The following ELK3 variants were observed in gnomAD, a reference collection of about 807,000 sequenced individuals.
The protein encoded by ELK3 is ETS transcription factor ELK3, also known as ETS domain-containing protein Elk-3.
A neutral mutation model predicts 28.9 loss-of-function variants in ELK3; 10 were observed. The observed-to-expected ratio is 0.35, with a 90% CI of 0.21 to 0.59. The LOEUF (loss-of-function observed/expected upper bound fraction) is 0.59, where lower values mean the gene tolerates loss of function less well. ELK3 is among the 20% of genes least tolerant of loss of function. The pLI is 0.82. For missense variants in ELK3, 463 were observed against 517.3 expected (o/e 0.90, Z 1.02); for synonymous variants, 272 against 243.5 (o/e 1.12, Z -1.09).
At chr12:96,251,499 C>T (rs1057309831) in intron 3 of ELK3, among the ~76,000 whole-genome samples, 3 of 152,046 alleles carry the variant, frequency 2.0e-5, no homozygotes, top group Non-Finnish European at 4.4e-5. Flanking sequence ...AGAATGATGA[C>T]GGTGAAGGCA....
intron 1 of ELK3, among the ~76,000 whole-genome samples, chr12:96,199,129 A>G (rs1447203844): frequency 6.6e-6 from 1 of 152,206 alleles, no homozygotes; most frequent in Non-Finnish European, 1.5e-5. Context: ...TTGCAGTAGA[A>G]TATCAAGATG....
At chr12:96,219,571 C>T (rs1423653845) in intron 1 of ELK3, among the ~76,000 whole-genome samples, 2 of 152,140 alleles carry the variant, frequency 1.3e-5, no homozygotes, top group Admixed American at 6.5e-5. Context: ...ATATGGAGAG[C>T]GCTGTGGCAG....
At chr12:96,214,776 C>G (rs1951599205) in intron 1 of ELK3, among the ~76,000 whole-genome samples, 1 of 152,018 alleles carries the variant, frequency 6.6e-6, no homozygotes, top group Admixed American at 6.5e-5. Context: ...ATACCTTACA[C>G]TTACTCTGTG....
intron 1 of ELK3, among the ~76,000 whole-genome samples, chr12:96,208,689 G>T (rs571732157): frequency 6.6e-6 from 1 of 152,344 alleles, no homozygotes; most frequent in East Asian, 1.9e-4. Flanking sequence ...CCTATGAGAT[G>T]CACTGTGGCC....
At chr12:96,244,846 A>C (rs1951845508) in intron 2 of ELK3, among the ~76,000 whole-genome samples, 1 of 152,188 alleles carries the variant, frequency 6.6e-6, no homozygotes, top group African/African-American at 2.4e-5. Flanking sequence ...GTTCTGACCC[A>C]GGGCACTCGG....
intron 3 of ELK3, among the ~76,000 whole-genome samples, chr12:96,258,117 G>C (rs1951965508): frequency 6.6e-6 from 1 of 152,306 alleles, no homozygotes; most frequent in African/African-American, 2.4e-5. Context: ...GAGAGGTTAG[G>C]TGGCTTGCCT....
chr12:96,261,619 T>C (rs982440067), intron 4 of ELK3, among the ~76,000 whole-genome samples: 2 of 152,182 alleles, frequency 1.3e-5, no homozygotes, highest in Admixed American at 1.3e-4. Context: ...TAGAGTTCAG[T>C]AGGTATTTGT....
At position 96,223,561 on chromosome 12, in the gene ELK3, G is replaced by C; in HGVS notation, c.-2-4G>C. On this transcript the variant is annotated splice_region_variant and splice_polypyrimidine_tract_variant and intron_variant, in intron 1 of 4. Coordinates refer to ENST00000228741, the MANE Select transcript of ELK3 (RefSeq NM_005230.4). ...AGCTCTGACCTGGCCTCCTCTCCCT[G>C]CAGGTATGGAGAGTGCAATCACGCT... is the stretch of plus-strand genomic sequence containing the variant. 1 of 1,613,598 alleles carries C rather than the reference G, an allele frequency of 6.2e-7. No individual in the cohort carries two copies. Among genetic ancestry groups the C allele is most frequent in the Non-Finnish European group, 8.5e-7 (1 of 1,179,604 alleles).
chr12:96,260,550 C>T (rs756104974), intron 4 of ELK3, among the ~76,000 whole-genome samples: 1,524 of 152,260 alleles, frequency 0.01, 41 homozygotes, highest in Admixed American at 0.061. Flanking sequence ...TAGAACTCTC[C>T]ATACTAGGCG....
chr12:96,235,421 C>A (rs960905423), intron 2 of ELK3, among the ~76,000 whole-genome samples: 2 of 152,054 alleles, frequency 1.3e-5, no homozygotes. Flanking sequence ...GGTTTTCTTA[C>A]CATTTCCTGC....
In ELK3 at chr12:96,210,561, G is replaced by GCACACACACACA. The variant is rs368183390; in HGVS notation, c.-2-13001_-2-13000insACACACACACAC. ...CTGTTCCACCGCCCTGCGCGCGGGC[G>GCACACACACACA]CACGCACACACACACACACACACAC... On this transcript the variant is annotated intron_variant, in intron 1 of 4. Coordinates refer to ENST00000228741, the MANE Select transcript of ELK3 (RefSeq NM_005230.4). Among the ~76,000 whole-genome samples, 1,189 of 144,764 alleles carry GCACACACACACA rather than the reference G, an allele frequency of 8.2e-3. 5 individuals are homozygous for GCACACACACACA. Among genetic ancestry groups the GCACACACACACA allele is most frequent in the East Asian group, 0.033 (160 of 4,828 alleles). The allele number at this position is 144,764 out of a possible 152,430, so 95.0% of individuals were successfully genotyped here. A position where few individuals can be genotyped will look rare whatever the true frequency, so the allele number is the denominator to read the frequency against.
At chr12:96,259,350 G>A (rs1049209966) in intron 3 of ELK3, among the ~76,000 whole-genome samples, 1 of 152,088 alleles carries the variant, frequency 6.6e-6, no homozygotes, top group Non-Finnish European at 1.5e-5. Flanking sequence ...TCAGGAGTTC[G>A]AGACCAGCCT....
At chr12:96,217,937 CAAAAA>C (rs34565681) in intron 1 of ELK3, among the ~76,000 whole-genome samples, 2 of 85,752 alleles carry the variant, frequency 2.3e-5, no homozygotes, top group Admixed American at 2.6e-4. Flanking sequence ...GACGCCGTCT[CAAAAA>C]AAAAAAAAAA....
intron 1 of ELK3, among the ~76,000 whole-genome samples, chr12:96,202,971 C>T (rs1021542627): frequency 2.0e-5 from 3 of 152,140 alleles, no homozygotes; most frequent in Non-Finnish European, 4.4e-5. Context: ...CAACCTCTGC[C>T]TCCTGGGTTC....
At position 96,267,685 on chromosome 12, in the gene ELK3, G is replaced by A. The variant is rs1262108174; in HGVS notation, c.*505G>A. The A allele has an allele frequency of 8.5e-5, 13 of 152,666 alleles. No homozygotes were observed. The highest frequency in any genetic ancestry group is 2.7e-4 in the African/African-American group (11 of 41,434). 9.5% of individuals were successfully genotyped at this position (152,666 alleles called of 1,614,324 possible). ...AGTAGAATTTCATTATTTTTCACCA[G>A]TGGGCAATATGAAAGCATATATCAC... On this transcript the variant is annotated 3_prime_UTR_variant, in exon 5 of 5. Transcript: ENST00000228741.
At chr12:96,231,556 G>A (rs749003432) in intron 2 of ELK3, among the ~76,000 whole-genome samples, 4 of 152,164 alleles carry the variant, frequency 2.6e-5, no homozygotes, top group Non-Finnish European at 5.9e-5. Context: ...GCAGTGGCGC[G>A]ATCTCAGCTC....
At chr12:96,211,240 CT>C (rs1344475830) in intron 1 of ELK3, among the ~76,000 whole-genome samples, 1 of 152,190 alleles carries the variant, frequency 6.6e-6, no homozygotes, top group Admixed American at 6.5e-5. Context: ...GGTATGGGCG[CT>C]GTTCTTCAGA....
At chr12:96,266,750 A>C (rs1337896124) in intron 4 of ELK3, among the ~76,000 whole-genome samples, 4 of 152,204 alleles carry the variant, frequency 2.6e-5, no homozygotes, top group African/African-American at 9.6e-5. Flanking sequence ...TTTAATATTT[A>C]TAGCATTATC....
intron 1 of ELK3, among the ~76,000 whole-genome samples, chr12:96,210,597 A>ACCCCCC (rs1555193042): frequency 1.7e-4 from 26 of 149,056 alleles, no homozygotes; most frequent in Admixed American, 5.4e-4. Flanking sequence ...ACACACACAC[A>ACCCCCC]CCCCGAGTGG....
Sources: gnomAD v4.1 joint callset for allele counts (sites outside exome capture counted in the v4.1 genomes callset) on GRCh38, gnomAD v4.1.1 for gene constraint, MANE v1.5 for transcripts, NCBI Gene and HGNC (gene_info 2026-07-23, HGNC 2026-07-21) for gene names.